Variants in BAALC observed in about 807,000 individuals in gnomAD.
BAALC encodes the protein BAALC binder of MAP3K1 and KLF4.
Under a neutral mutation model 15.5 loss-of-function variants are expected in BAALC, and 9 were observed. The observed-to-expected ratio is 0.58, with a 90% confidence interval of 0.35 to 1.02. BAALC has a LOEUF of 1.02. BAALC is among the 50% of genes least tolerant of loss of function. The probability of loss-of-function intolerance (pLI) is 0.02; values close to 1 mark genes in which losing one functional copy is unlikely to be tolerated. For missense variants in BAALC, 201 were observed against 192.4 expected (o/e 1.04, Z -0.27); for synonymous variants, 80 against 74.6 (o/e 1.07, Z -0.37).
chr8:103,150,608 A>T (rs1433915438), intron 1 of BAALC, among the ~76,000 whole-genome samples: 1 of 152,200 alleles, frequency 6.6e-6, no homozygotes, highest in Non-Finnish European at 1.5e-5. Context: ...AATCTAACAC[A>T]ATCTGCTTTA....
At chr8:103,212,791 T>A (rs895319164) in intron 1 of BAALC, 128 bp from the exon 2 acceptor site, 20 of 919,820 alleles carry the variant, frequency 2.2e-5, no homozygotes, top group Non-Finnish European at 3.0e-5. Flanking sequence ...AGGGTAGCTC[T>A]GCATGGTGGG....
At chr8:103,156,959 C>T (rs1811106455) in intron 1 of BAALC, 1 of 152,320 alleles carries the variant, frequency 6.6e-6, no homozygotes, top group Non-Finnish European at 1.5e-5. Flanking sequence ...GAGAGTGTGC[C>T]CATGCCCTTT....
At chr8:103,178,862 C>CA (rs34211860) in intron 1 of BAALC, among the ~76,000 whole-genome samples, 26,994 of 101,212 alleles carry the variant, frequency 0.27, 3,319 homozygotes, top group Non-Finnish European at 0.37. Context: ...GACTCTGTCT[C>CA]AAAAAAAAAA....
chr8:103,200,051 T>C (rs1163965793), intron 1 of BAALC, among the ~76,000 whole-genome samples: 3 of 152,208 alleles, frequency 2.0e-5, no homozygotes, highest in Admixed American at 6.5e-5. Context: ...CTTTATCTAG[T>C]CTATCACCAA....
intron 1 of BAALC, among the ~76,000 whole-genome samples, chr8:103,198,961 G>A (rs1280970862): frequency 2.6e-5 from 4 of 152,158 alleles, no homozygotes; most frequent in African/African-American, 7.2e-5. Context: ...TCATCACTAT[G>A]TATTTCTATC....
chr8:103,161,597 G>A (rs1389371273), intron 1 of BAALC, among the ~76,000 whole-genome samples: 1 of 152,138 alleles, frequency 6.6e-6, no homozygotes, highest in Admixed American at 6.5e-5. Flanking sequence ...TTGTCCATGT[G>A]TCTTTTCATT....
chr8:103,144,277 T>A (rs1169559125), intron 1 of BAALC, among the ~76,000 whole-genome samples: 1 of 152,206 alleles, frequency 6.6e-6, no homozygotes, highest in African/African-American at 2.4e-5. Flanking sequence ...CAAAAAATGA[T>A]CCTGAGCCTG....
chr8:103,229,665 T>C lies in BAALC; in HGVS notation c.*1566T>C, dbSNP rs1276340941. On this transcript the variant is annotated 3_prime_UTR_variant, in exon 3 of 3. Transcript: ENST00000309982. ...TTAGACCCTTAAGGTATAGTGTGTGTTGCAAATCACTCTGCAATGGAAACT... is the reference window on the plus strand; with the variant it reads ...TTAGACCCTTAAGGTATAGTGTGTGCTGCAAATCACTCTGCAATGGAAACT... The C allele has an allele frequency of 6.6e-6, 1 of 152,210 alleles. No homozygotes were observed. The highest frequency in any genetic ancestry group is 1.5e-5 in the Non-Finnish European group (1 of 68,042). 9.4% of individuals were successfully genotyped at this position (152,210 alleles called of 1,614,324 possible). A position where few individuals can be genotyped will look rare whatever the true frequency, so the allele number is the denominator to read the frequency against.
At chr8:103,176,862 T>C (rs547712010) in intron 1 of BAALC, among the ~76,000 whole-genome samples, 52 of 152,226 alleles carry the variant, frequency 3.4e-4, no homozygotes, top group Non-Finnish European at 7.3e-4. Context: ...AGAAAACTTC[T>C]GCTTTCTGAG....
chr8:103,163,221 C>T (rs2129912702), intron 1 of BAALC, among the ~76,000 whole-genome samples: 1 of 152,146 alleles, frequency 6.6e-6, no homozygotes, highest in South Asian at 2.1e-4. Flanking sequence ...TTTTTTAGTT[C>T]CTCTTTCATG....
chr8:103,178,587 A>G (rs960856076), intron 1 of BAALC, among the ~76,000 whole-genome samples: 28 of 152,202 alleles, frequency 1.8e-4, no homozygotes, highest in Non-Finnish European at 7.3e-5. Context: ...GGCTGGGCAC[A>G]GTGACTCACG....
chr8:103,152,014 C>T (rs747510709), intron 1 of BAALC, among the ~76,000 whole-genome samples: 1 of 152,074 alleles, frequency 6.6e-6, no homozygotes, highest in East Asian at 1.9e-4. Context: ...AAGCCACATC[C>T]GTCTTCCACT....
At chr8:103,161,493 C>T (rs1051173771) in intron 1 of BAALC, among the ~76,000 whole-genome samples, 2 of 152,146 alleles carry the variant, frequency 1.3e-5, no homozygotes, top group South Asian at 2.1e-4. Context: ...AGCTGCATAG[C>T]GCTCGATTGT....
rs1037173544 is a variant in BAALC, at chr8:103,228,376, G to A, written c.*277G>A. On this transcript the variant is annotated 3_prime_UTR_variant, in exon 3 of 3. Transcript: ENST00000309982. Reference sequence around the variant, plus strand: ...TGTCTCTTTGCAACTCCTGTAATACGGTCTGGTGTAAAAGTAGTGAGTTAA... The same window carrying A: ...TGTCTCTTTGCAACTCCTGTAATACAGTCTGGTGTAAAAGTAGTGAGTTAA... The A allele has an allele frequency of 2.7e-5, 9 of 330,240 alleles. No homozygotes were observed. The highest frequency in any genetic ancestry group is 8.5e-5 in the African/African-American group (4 of 46,918). 20.5% of individuals were successfully genotyped at this position (330,240 alleles called of 1,614,324 possible).
intron 1 of BAALC, among the ~76,000 whole-genome samples, chr8:103,173,445 T>A (rs974985217): frequency 4.6e-5 from 7 of 152,204 alleles, no homozygotes; most frequent in African/African-American, 1.7e-4. Context: ...AAACAATACA[T>A]ATGTCATCAC....
chr8:103,190,566 G>A (rs1344335293), intron 1 of BAALC, among the ~76,000 whole-genome samples: 2 of 152,118 alleles, frequency 1.3e-5, no homozygotes, highest in Non-Finnish European at 2.9e-5. Flanking sequence ...GTGTTGCAAT[G>A]GAATATGAAT....
chr8:103,147,761 C>G (rs138542965), intron 1 of BAALC, among the ~76,000 whole-genome samples: 173 of 152,344 alleles, frequency 1.1e-3, no homozygotes, highest in African/African-American at 4.1e-3. Context: ...GAGACACTCT[C>G]AGCAGACCTT....
chr8:103,186,185 C>A (rs903678139), intron 1 of BAALC, among the ~76,000 whole-genome samples: 8 of 152,148 alleles, frequency 5.3e-5, no homozygotes, highest in Non-Finnish European at 1.2e-4. Context: ...ACTGGATGTC[C>A]AGGAGTTGCT....
At chr8:103,182,129 C>T (rs113712793) in intron 1 of BAALC, among the ~76,000 whole-genome samples, 96 of 152,236 alleles carry the variant, frequency 6.3e-4, no homozygotes, top group African/African-American at 2.2e-3. Context: ...CATATCCCAC[C>T]CTGGTTTGCC....
Sources: gnomAD v4.1 joint callset for allele counts (sites outside exome capture counted in the v4.1 genomes callset) on GRCh38, gnomAD v4.1.1 for gene constraint, MANE v1.5 for transcripts, NCBI Gene and HGNC (gene_info 2026-07-23, HGNC 2026-07-21) for gene names.